Variants in BRWD1 observed in about 807,000 individuals in gnomAD.
The protein encoded by BRWD1 is bromodomain and WD repeat-containing protein 1.
A neutral mutation model predicts 251.2 loss-of-function variants in BRWD1; 82 were observed. The ratio of observed to expected loss-of-function variants is 0.33; its 90% CI spans 0.27 to 0.39. BRWD1 has a LOEUF of 0.39. BRWD1 is among the 10% of genes least tolerant of loss of function. The probability of loss-of-function intolerance (pLI) is 1.00; values close to 1 mark genes in which losing one functional copy is unlikely to be tolerated. For missense variants in BRWD1, 2,233 were observed against 2,711.6 expected (o/e 0.82, Z 3.92); for synonymous variants, 918 against 902.8 (o/e 1.02, Z -0.30).
intron 22 of BRWD1, 119 bp downstream of exon 22, chr21:39,238,360 A>T: frequency 3.0e-6 from 2 of 672,512 alleles, no homozygotes. Flanking sequence ...TCTCCTTTTA[A>T]GTGTATTAAA....
upstream of BRWD1, among the ~76,000 whole-genome samples, chr21:39,316,762 G>C (rs1411398017): frequency 1.3e-5 from 2 of 152,114 alleles, no homozygotes; most frequent in African/African-American, 4.8e-5. Flanking sequence ...AACATAGTAA[G>C]ACCCCATCTC....
intron 36 of BRWD1, among the ~76,000 whole-genome samples, chr21:39,208,118 T>C (rs2032492122): frequency 6.6e-6 from 1 of 152,220 alleles, no homozygotes; most frequent in Admixed American, 6.5e-5. Flanking sequence ...ATGGCAAATG[T>C]TATGTTATAT....
At chr21:39,256,373 T>A (rs550355947) in intron 18 of BRWD1, among the ~76,000 whole-genome samples, 1 of 152,350 alleles carries the variant, frequency 6.6e-6, no homozygotes, top group South Asian at 2.1e-4. Flanking sequence ...ACAGTAATCA[T>A]GATTCTCATG....
chr21:39,301,978 G>GT (rs750413248), intron 4 of BRWD1, among the ~76,000 whole-genome samples: 1,467 of 79,832 alleles, frequency 0.018, 94 homozygotes, highest in East Asian at 0.035. Context: ...AGCTTTGTGT[G>GT]TTTTTTTTTT....
intron 4 of BRWD1, among the ~76,000 whole-genome samples, chr21:39,306,438 GTA>G (rs2146791909): frequency 6.6e-6 from 1 of 152,248 alleles, no homozygotes; most frequent in African/African-American, 2.4e-5. Context: ...TAATTTTCAT[GTA>G]TACGAGTGGT....
Position 39,192,218 on chromosome 21 carries a change from A to ATT in BRWD1, c.*4040_*4041insAA, listed in dbSNP as rs1345419378. ...TAATTTAACAGCCTTTAAAACTTAA[A>ATT]ATCGTAAGAAAAGACAACACAGCCC... On this transcript the variant is annotated 3_prime_UTR_variant, in exon 41 of 41. Transcript: ENST00000342449. The ATT allele has an allele frequency of 2.0e-6, 2 of 983,766 alleles. No homozygotes were observed. The highest frequency in any genetic ancestry group is 6.3e-5 in the Admixed American group (1 of 15,974). 60.9% of individuals were successfully genotyped at this position (983,766 alleles called of 1,614,324 possible).
chr21:39,208,823 C>T (rs1272487646), intron 36 of BRWD1, among the ~76,000 whole-genome samples: 1 of 152,086 alleles, frequency 6.6e-6, no homozygotes, highest in East Asian at 1.9e-4. Context: ...CCTACCTTGG[C>T]CTCCCAAATT....
At position 39,200,340 on chromosome 21, in the gene BRWD1, A is replaced by T; in HGVS notation, c.4632T>A (p.Ala1544=). The T allele has an allele frequency of 6.2e-7, 1 of 1,613,996 alleles. No individual in the cohort carries two copies. The highest frequency in any genetic ancestry group is 8.5e-7 in the Non-Finnish European group (1 of 1,179,982). ...CTTTGCTTTCCTCAGAACTACTGGA[A>T]GCTGACGATGACAAAGAGGTAGCTA... ...DSLATSLSSS[A]SSSSEESKES... is the part of the protein sequence containing the mutation. Residue 1544 remains alanine (A), a synonymous_variant, in exon 39 of 41, where the codon GCT becomes GCA. Transcript: ENST00000342449.
chr21:39,275,400 C>A (rs866947726), intron 12 of BRWD1, among the ~76,000 whole-genome samples: 9 of 151,932 alleles, frequency 5.9e-5, no homozygotes, highest in Non-Finnish European at 2.9e-5. Flanking sequence ...AGACATCTAG[C>A]CAAAGAAAAA....
At chr21:39,297,007 C>T in intron 5 of BRWD1, 1 of 985,264 alleles carries the variant, frequency 1.0e-6, no homozygotes, top group South Asian at 4.7e-5. Flanking sequence ...TATAGCTTTC[C>T]CTTCATTGTA....
At chr21:39,221,025 C>T (rs1040604469) in intron 29 of BRWD1, among the ~76,000 whole-genome samples, 3 of 151,816 alleles carry the variant, frequency 2.0e-5, no homozygotes, top group Non-Finnish European at 4.4e-5. Flanking sequence ...CATGGTGGCA[C>T]ACACCTGTAG....
upstream of BRWD1, chr21:39,313,696 C>CG (rs533339070): frequency 3.1e-5 from 12 of 382,874 alleles, no homozygotes; most frequent in South Asian, 5.1e-5. Context: ...AGTCCCTCCG[C>CG]GGGGGGCGGG....
intron 34 of BRWD1, 56 bp from the exon 35 acceptor site, chr21:39,210,985 T>C: frequency 1.3e-6 from 2 of 1,511,648 alleles, no homozygotes; most frequent in Middle Eastern, 1.9e-4. Flanking sequence ...AAGACTGTGG[T>C]AAAAATGTAA....
chr21:39,207,487 C>CACACACACACACACAA (rs1453453078), intron 36 of BRWD1, among the ~76,000 whole-genome samples: 1 of 146,496 alleles, frequency 6.8e-6, no homozygotes, highest in African/African-American at 2.5e-5. Context: ...CACACACAAA[C>CACACACACACACACAA]AAAACTCCAA....
At chr21:39,261,226 A>G (rs1212575078) in intron 17 of BRWD1, among the ~76,000 whole-genome samples, 1 of 152,154 alleles carries the variant, frequency 6.6e-6, no homozygotes, top group Non-Finnish European at 1.5e-5. Flanking sequence ...CTCTGTCTCA[A>G]AAAAAATTTT....
chr21:39,313,973 G>A (rs1010618250), upstream of BRWD1: 1 of 401,748 alleles, frequency 2.5e-6, no homozygotes, highest in Admixed American at 2.8e-5. Flanking sequence ...CCACAAGAGG[G>A]GGCGATTCAC....
chr21:39,224,529 G>T, intron 28 of BRWD1, 60 bp from the exon 29 acceptor site: 1 of 1,094,822 alleles, frequency 9.1e-7, no homozygotes, highest in Non-Finnish European at 1.4e-6. Context: ...TGGATAATAG[G>T]TATCCATTAT....
chr21:39,236,448 G>T, intron 23 of BRWD1, 147 bp downstream of exon 23: 1 of 700,376 alleles, frequency 1.4e-6, no homozygotes, highest in Non-Finnish European at 2.3e-6. Context: ...AGGGCTGACA[G>T]CTCGCCCAGA....
intron 17 of BRWD1, among the ~76,000 whole-genome samples, chr21:39,262,442 C>T (rs553373488): frequency 7.2e-5 from 11 of 152,138 alleles, no homozygotes; most frequent in Non-Finnish European, 1.3e-4. Context: ...TGTGGCCAAG[C>T]GCGGAGCCTC....
Sources: allele counts gnomAD v4.1 joint callset (sites outside exome capture counted in the v4.1 genomes callset), GRCh38; gene constraint gnomAD v4.1.1; transcripts MANE v1.5; gene names NCBI Gene and HGNC (gene_info 2026-07-23, HGNC 2026-07-21).